The following SBNO2 variants were observed in gnomAD, a reference collection of about 807,000 sequenced individuals.
SBNO2 encodes protein strawberry notch homolog 2.
In SBNO2, 89 loss-of-function variants were observed where a neutral mutation model predicts 146.3. The observed-to-expected ratio is 0.61, with a 90% CI of 0.51 to 0.73. The LOEUF is 0.73. Ranked by LOEUF, SBNO2 falls within the 30% of genes least tolerant of loss-of-function variation. SBNO2 has a pLI of 0.00. For missense variants in SBNO2, 2,092 were observed against 2,003.7 expected, an observed-to-expected ratio of 1.04 and a Z score of -0.84; for synonymous variants, 1,147 against 892.6, an observed-to-expected ratio of 1.29 and a Z score of -5.08.
Position 1,144,368 on chromosome 19 carries a change from G to A in SBNO2, c.279+2941C>T, listed in dbSNP as rs536840866. Among the ~76,000 whole-genome samples the A allele has an allele frequency of 5.3e-5, 8 of 152,254 alleles. No homozygotes were observed. Among genetic ancestry groups the A allele is most frequent in the East Asian group, 3.9e-4 (2 of 5,184 alleles). On this transcript the variant is annotated intron_variant, in intron 4 of 31. Coordinates refer to ENST00000361757, the MANE Select transcript of SBNO2 (RefSeq NM_014963.3). The surrounding 1 kb of genome is among the most constrained non-coding windows in gnomAD (Gnocchi z 4.1). The stretch of plus-strand genomic sequence containing the variant: ...TTTGGGTCCAAGCTGCCCCACATAC[G>A]GACGCTGGAGCATGAGGCGGCTGTA...
rs1228421120 is a variant in SBNO2 at position 1,111,588 on chromosome 19, G to C, written c.2727C>G (p.Val909=). The C allele has an allele frequency of 6.3e-7, 1 of 1,594,124 alleles. No homozygotes were observed. ...NKYGTRALHC[V]LTTILSQTEN... ...CAGTCTGGCTCAGGATGGTGGTGAG[G>C]ACACAGTGCAGGGCCCGGGTGCCAT... The change falls in exon 24 of 32, where the codon GTC becomes GTG. Residue 909 remains valine (V), a synonymous_variant. Coordinates refer to ENST00000361757, the MANE Select transcript of SBNO2 (RefSeq NM_014963.3).
rs2079751909 is a variant in SBNO2 at position 1,110,996 on chromosome 19, G to A, written c.2884+23C>T. The A allele has an allele frequency of 6.2e-7, 1 of 1,601,914 alleles. No homozygotes were observed. The highest frequency in any genetic ancestry group is 8.5e-7 in the Non-Finnish European group (1 of 1,174,768). ...TGAGATGAGAGACAGGAGCGCCTCT[G>A]GGCCTGGGTGTGGGGCACTCACCCT... On this transcript the variant is annotated intron_variant, in intron 25 of 31. Transcript: ENST00000361757. The surrounding 1 kb of genome is among the most constrained non-coding windows in gnomAD (Gnocchi z 4.9).
chr19:1,138,146 T>G (rs1450472879), intron 4 of SBNO2, among the ~76,000 whole-genome samples: 1 of 12,274 alleles, frequency 8.1e-5, no homozygotes, highest in Non-Finnish European at 1.4e-4. Context: ...TGGGGTGCAG[T>G]GGGGGGAGGC....
chr19:1,110,207 G>T lies in SBNO2; in HGVS notation c.3029-430C>A, dbSNP rs1204116643. On this transcript the variant is annotated intron_variant, in intron 26 of 31. Transcript: ENST00000361757. This position sits in a 1 kb window ranked among gnomAD's most constrained non-coding sequence, Gnocchi z 4.9. ...CCTGGTTGGCTGCGGCACTGCTCAT[G>T]AGTGAAGTAGCCATGGCCCGGACCC... 6.6e-6 allele frequency among the ~76,000 whole-genome samples: 1 copy of T among 152,136 alleles called. No homozygotes were observed. The highest frequency in any genetic ancestry group is 6.5e-5 in the Admixed American group (1 of 15,280).
intron 4 of SBNO2, among the ~76,000 whole-genome samples, chr19:1,130,603 G>A (rs1177946620): frequency 6.6e-6 from 1 of 152,084 alleles, no homozygotes; most frequent in African/African-American, 2.4e-5. Flanking sequence ...ACCAGCCTGG[G>A]CAACACAGCA....
intron 1 of SBNO2, among the ~76,000 whole-genome samples, chr19:1,163,194 A>C (rs2080366360): frequency 6.6e-6 from 1 of 152,166 alleles, no homozygotes; most frequent in Non-Finnish European, 1.5e-5. Flanking sequence ...GGTTGGTTAC[A>C]ATGAGGATGC....
intron 31 of SBNO2, 21 bp from the exon 32 acceptor site, chr19:1,108,725 T>C: frequency 6.4e-7 from 1 of 1,569,662 alleles, no homozygotes; most frequent in Non-Finnish European, 8.6e-7. Context: ...AGCGTCGGGG[T>C]CAGGGCCGGC....
intron 1 of SBNO2, among the ~76,000 whole-genome samples, chr19:1,169,904 G>A (rs2080461378): frequency 6.6e-6 from 1 of 152,100 alleles, no homozygotes; most frequent in African/African-American, 2.4e-5. Context: ...CCAAAACACA[G>A]CCGTGTCCCC....
chr19:1,149,774 C>T (rs936401425), intron 2 of SBNO2, among the ~76,000 whole-genome samples: 5 of 152,226 alleles, frequency 3.3e-5, no homozygotes, highest in Admixed American at 1.3e-4. Flanking sequence ...CCTGGGGGTG[C>T]CGCTGGCCCC....
At chr19:1,132,759 T>A (rs757884340) in intron 4 of SBNO2, among the ~76,000 whole-genome samples, 2 of 152,036 alleles carry the variant, frequency 1.3e-5, no homozygotes, top group Non-Finnish European at 2.9e-5. Flanking sequence ...TTCCCTGCTG[T>A]CCGTGCCCAG....
intron 13 of SBNO2, 117 bp downstream of exon 13, chr19:1,119,399 T>C (rs2079872120): frequency 5.4e-6 from 5 of 920,112 alleles, no homozygotes; most frequent in African/African-American, 1.7e-5. Flanking sequence ...CGACCCACAT[T>C]CAGCACCTCT....
chr19:1,150,396 G>A lies in SBNO2; in HGVS notation c.94-954C>T, dbSNP rs1343351334. Among the ~76,000 whole-genome samples the A allele has an allele frequency of 6.6e-6, 1 of 152,018 alleles. No individual in the cohort carries two copies. The highest frequency in any genetic ancestry group is 2.4e-5 in the African/African-American group (1 of 41,388). Reference sequence around the variant, plus strand: ...GCACCCCTCAGCAGGGCCCCCACCTGCACAGGGCCAACCTCACCTGCAGCA... The same window carrying A: ...GCACCCCTCAGCAGGGCCCCCACCTACACAGGGCCAACCTCACCTGCAGCA... On this transcript the variant is annotated intron_variant, in intron 2 of 31. Coordinates refer to ENST00000361757, the MANE Select transcript of SBNO2 (RefSeq NM_014963.3). The surrounding 1 kb of genome is among the most constrained non-coding windows in gnomAD (Gnocchi z 6.2).
rs903017146 is a variant in SBNO2 at position 1,173,613 on chromosome 19, C to A, written c.-127+559G>T. 3.9e-5 allele frequency: 6 copies of A among 152,486 alleles called. No homozygotes were observed. The highest frequency in any genetic ancestry group is 3.1e-3 in the Middle Eastern group (1 of 318). 9.4% of individuals were successfully genotyped at this position (152,486 alleles called of 1,614,324 possible). On this transcript the variant is annotated intron_variant, in intron 1 of 31. Coordinates refer to ENST00000361757, the MANE Select transcript of SBNO2 (RefSeq NM_014963.3). The surrounding 1 kb of genome is among the most constrained non-coding windows in gnomAD (Gnocchi z 4.7). The stretch of plus-strand genomic sequence containing the variant: ...GGAAGGGGCACGAACGCCCGAGGAG[C>A]CTGGAGTCAGGAATCGGGGCGGCGG...
chr19:1,109,385 C>A lies in SBNO2; in HGVS notation c.3255G>T (p.Gln1085His). The A allele has an allele frequency of 6.4e-7, 1 of 1,573,022 alleles. No homozygotes were observed. The highest frequency in any genetic ancestry group is 8.6e-7 in the Non-Finnish European group (1 of 1,160,228). Residue 1085 changes from glutamine to histidine, a missense_variant, in exon 29 of 32, where the codon CAG (glutamine) becomes CAT (histidine). Transcript: ENST00000361757. The surrounding 1 kb of genome is among the most constrained non-coding windows in gnomAD (Gnocchi z 4.2). Reference protein sequence around the residue: ...GNKPSCLLAEQNRGQFFTVYK... With the variant: ...GNKPSCLLAEHNRGQFFTVYK... ...ACACCGTGAAGAACTGGCCGCGGTT[C>A]TGCTCCGCCAGCAGGCAGCTGGGCT... is the stretch of plus-strand genomic sequence containing the variant.
intron 1 of SBNO2, among the ~76,000 whole-genome samples, chr19:1,172,781 C>A (rs1273596016): frequency 1.2e-5 from 1 of 82,456 alleles, no homozygotes; most frequent in Non-Finnish European, 2.4e-5. Flanking sequence ...TGCAACCGCC[C>A]CCCCCGCCCC....
intron 4 of SBNO2, chr19:1,128,332 G>A (rs1456802187): frequency 8.2e-6 from 3 of 366,828 alleles, no homozygotes; most frequent in Non-Finnish European, 1.6e-5. Context: ...CAGAGGTGGG[G>A]CTCGCCATGG....
intron 5 of SBNO2, among the ~76,000 whole-genome samples, chr19:1,124,916 T>C (rs2079948042): frequency 6.6e-6 from 1 of 152,038 alleles, no homozygotes; most frequent in Admixed American, 6.5e-5. Flanking sequence ...TCATGCCCAC[T>C]GTCCAGACGC....
intron 2 of SBNO2, among the ~76,000 whole-genome samples, chr19:1,153,239 T>A (rs371264551): frequency 0.02 from 2,596 of 130,662 alleles, 40 homozygotes; most frequent in Non-Finnish European, 0.029. Context: ...AATTTAAAAA[T>A]TTTTTTTTTT....
In SBNO2 at chr19:1,108,402, C is replaced by T. The variant is rs201252768; in HGVS notation, c.3919G>A (p.Gly1307Ser). 2,228 of 1,279,810 alleles carry T rather than the reference C, an allele frequency of 1.7e-3. 26 individuals are homozygous for T. In the African/African-American group the frequency reaches 0.032, roughly 18 times the overall value. 79.3% of individuals were successfully genotyped at this position (1,279,810 alleles called of 1,614,324 possible). Residue 1307 changes from glycine (G) to serine (S), a missense_variant, in exon 32 of 32, where the codon GGC becomes AGC. Gly to Ser is a moderately conservative substitution (Grantham distance 56). Coordinates refer to ENST00000361757, the MANE Select transcript of SBNO2 (RefSeq NM_014963.3). ...ACCTCCTTGAAGTTGATGTCGCAGCCCTGGTGCGCGAGGGCCGCAGGGTCG... is the reference window on the plus strand; with the variant it reads ...ACCTCCTTGAAGTTGATGTCGCAGCTCTGGTGCGCGAGGGCCGCAGGGTCG... ...QADPAALAHQ[G>S]CDINFKEVLE...
Sources: allele counts gnomAD v4.1 joint callset (sites outside exome capture counted in the v4.1 genomes callset), GRCh38; gene constraint gnomAD v4.1.1; non-coding constraint Gnocchi (gnomAD v3.1); transcripts MANE v1.5; gene names NCBI Gene and HGNC (gene_info 2026-07-23, HGNC 2026-07-21).